Variants in AAAS observed in about 807,000 individuals in gnomAD.
The protein encoded by AAAS is aladin.
In AAAS, 60 loss-of-function variants were observed where a neutral mutation model predicts 75.6. The ratio of observed to expected loss-of-function variants is 0.79; its 90% CI spans 0.64 to 0.98. AAAS has a LOEUF of 0.98. Among genes scored for constraint, AAAS ranks in the 50% least tolerant of loss-of-function variants. The probability of loss-of-function intolerance (pLI) is 0.00; values close to 1 mark genes in which losing one functional copy is unlikely to be tolerated. For synonymous variants in AAAS, 271 were observed against 265.0 expected (o/e 1.02, Z -0.22); for missense variants, 658 against 686.9 (o/e 0.96, Z 0.47).
At chr12:53,321,242 CAG>C in intron 1 of AAAS, 99 bp downstream of exon 1, 1 of 1,544,074 alleles carries the variant, frequency 6.5e-7, no homozygotes, top group South Asian at 1.2e-5. Flanking sequence ...TCCACTCCGC[CAG>C]ACTCTGTGAC....
chr12:53,314,715 G>C, intron 6 of AAAS, 36 bp downstream of exon 6: 1 of 1,594,458 alleles, frequency 6.3e-7, no homozygotes. Context: ...AGGTGATATT[G>C]ACAAGTCAGA....
intron 15 of AAAS, 55 bp downstream of exon 15, chr12:53,307,790 G>A: frequency 2.5e-6 from 4 of 1,612,722 alleles, no homozygotes; most frequent in South Asian, 2.2e-5. Context: ...CAGCAGCCAA[G>A]GCCCTCAGCT....
chr12:53,319,273 C>T (rs1944514938), intron 2 of AAAS, among the ~76,000 whole-genome samples: 1 of 151,972 alleles, frequency 6.6e-6, no homozygotes, highest in African/African-American at 2.4e-5. Context: ...CTACAACCTC[C>T]ACCTCCCAGG....
intron 7 of AAAS, among the ~76,000 whole-genome samples, chr12:53,312,751 T>C (rs1315433922): frequency 1.3e-5 from 2 of 150,578 alleles, no homozygotes; most frequent in East Asian, 3.9e-4. Context: ...TCTTCTTTAT[T>C]CATATATATA....
At chr12:53,312,381 C>T (rs918785618) in intron 7 of AAAS, among the ~76,000 whole-genome samples, 1 of 152,066 alleles carries the variant, frequency 6.6e-6, no homozygotes, top group Non-Finnish European at 1.5e-5. Flanking sequence ...CAAGACCAGC[C>T]TGGCCAATAT....
At chr12:53,314,030 G>C (rs1944428865) in intron 7 of AAAS, among the ~76,000 whole-genome samples, 1 of 151,818 alleles carries the variant, frequency 6.6e-6, no homozygotes, top group Non-Finnish European at 1.5e-5. Context: ...CTTCCTTTAA[G>C]TGTAAAGGAA....
In AAAS at chr12:53,315,351, A is replaced by G; in HGVS notation, c.383T>C (p.Leu128Pro). The G allele has an allele frequency of 6.2e-7, 1 of 1,614,206 alleles. No individual in the cohort carries two copies. The highest frequency in any genetic ancestry group is 8.5e-7 in the Non-Finnish European group (1 of 1,180,038). The stretch of plus-strand genomic sequence containing the variant: ...CAAACTTACAGACAGATGGGGGAAC[A>G]GGGACCCATGGAGGGAAGAGGCCCA... ...CRWASSLHGS[L>P]FPHLSLRSED... The change falls in exon 4 of 16, where the codon CTG becomes CCG. Residue 128 changes from leucine to proline, a missense_variant. Leu to Pro is a moderately conservative substitution (Grantham distance 98, BLOSUM62 -3). Coordinates refer to ENST00000209873, the MANE Select transcript of AAAS (RefSeq NM_015665.6).
At position 53,314,367 on chromosome 12, in the gene AAAS, G is replaced by T; in HGVS notation, c.620C>A (p.Ser207Tyr). ...GCTCTGGCAGGCCACAGCCAAGACA[G>T]AGGCACTAAGGGGCTTCCAGGCCAG... ...ASLAWKPLSA[S>Y]VLAVACQSCI... Residue 207 changes from serine (S) to tyrosine (Y), a missense_variant, in exon 7 of 16, where the codon TCT (serine) becomes TAT (tyrosine). Ser to Tyr is a moderately radical substitution (Grantham distance 144). Transcript: ENST00000209873. 1 of 1,614,208 alleles carries T rather than the reference G, an allele frequency of 6.2e-7. No homozygotes were observed. Among genetic ancestry groups the T allele is most frequent in the South Asian group, 1.1e-5 (1 of 91,084 alleles).
chr12:53,308,069 C>A lies in AAAS; in HGVS notation c.1314G>T (p.Val438=). 6.2e-7 allele frequency: 1 copy of A among 1,614,246 alleles called. No individual in the cohort carries two copies. Among genetic ancestry groups the A allele is most frequent in the Non-Finnish European group, 8.5e-7 (1 of 1,180,042 alleles). The change falls in exon 14 of 16, where the codon GTG becomes GTT. Residue 438 remains valine (V), a synonymous_variant. Coordinates refer to ENST00000209873, the MANE Select transcript of AAAS (RefSeq NM_015665.6). The part of the protein sequence containing the change: ...ILLFRTRNSP[V]FELLPCGIIQ... ...GCACTTACCAGGGAAGGAGCTCAAA[C>A]ACAGGGCTGTTTCGAGTGCGAAAAA...
chr12:53,321,202 C>A (rs1944548398), intron 1 of AAAS, 141 bp downstream of exon 1: 2 of 1,342,840 alleles, frequency 1.5e-6, no homozygotes, highest in Non-Finnish European at 2.0e-6. Context: ...GATTCCAGCC[C>A]TTCTAGCCTC....
intron 7 of AAAS, among the ~76,000 whole-genome samples, chr12:53,312,763 G>A (rs1431289366): frequency 2.1e-5 from 3 of 144,684 alleles, no homozygotes; most frequent in Admixed American, 6.9e-5. Context: ...ATATATATAC[G>A]TATATACACG....
intron 2 of AAAS, among the ~76,000 whole-genome samples, chr12:53,316,764 C>CAAAAAAAAAAA (rs34520642): frequency 3.9e-5 from 3 of 77,186 alleles, no homozygotes; most frequent in Admixed American, 1.7e-4. Context: ...CCATCTCAGA[C>CAAAAAAAAAAA]AAAAAAAAAA....
intron 3 of AAAS, 146 bp from the exon 4 acceptor site, chr12:53,315,572 C>A: frequency 8.3e-7 from 1 of 1,205,116 alleles, no homozygotes; most frequent in South Asian, 1.3e-5. Flanking sequence ...GACACCCACT[C>A]TGGACACCCA....
chr12:53,321,553 A>T lies in AAAS; in HGVS notation c.-88T>A. Reference sequence around the variant, plus strand: ...TCCCGCAACTCGGTTCCCGGGCTAGATTCGTATGCGGACGGGTACCGCAAG... The same window carrying T: ...TCCCGCAACTCGGTTCCCGGGCTAGTTTCGTATGCGGACGGGTACCGCAAG... On this transcript the variant is annotated 5_prime_UTR_variant, in exon 1 of 16. Coordinates refer to ENST00000209873, the MANE Select transcript of AAAS (RefSeq NM_015665.6). 2 of 1,603,568 alleles carry T rather than the reference A, an allele frequency of 1.2e-6. No homozygotes were observed. The highest frequency in any genetic ancestry group is 1.7e-6 in the Non-Finnish European group (2 of 1,177,512).
intron 8 of AAAS, 129 bp from the exon 9 acceptor site, chr12:53,309,410 C>G (rs147642662): frequency 2.7e-6 from 4 of 1,509,032 alleles, no homozygotes; most frequent in East Asian, 4.6e-5. Flanking sequence ...ACATGAGGCA[C>G]GGGTTCATGC....
chr12:53,313,536 G>C (rs377737100), intron 7 of AAAS, among the ~76,000 whole-genome samples: 1 of 151,750 alleles, frequency 6.6e-6, no homozygotes, highest in South Asian at 2.1e-4. Context: ...CCTGACCTCA[G>C]GTGATCCTCA....
chr12:53,314,271 A>G, intron 7 of AAAS, 27 bp downstream of exon 7: 2 of 1,614,116 alleles, frequency 1.2e-6, no homozygotes, highest in Non-Finnish European at 8.5e-7. Flanking sequence ...CTCTCAGGCC[A>G]AGGTAAGGCA....
At chr12:53,321,269 A>C in intron 1 of AAAS, 74 bp downstream of exon 1, 2 of 1,581,112 alleles carry the variant, frequency 1.3e-6, no homozygotes, top group Non-Finnish European at 1.7e-6. Flanking sequence ...CCCCTGTCAC[A>C]CTGCCTCCTT....
At position 53,314,355 on chromosome 12, in the gene AAAS, A is replaced by G. The variant is rs147512475; in HGVS notation, c.632T>C (p.Val211Ala). 5.0e-6 allele frequency: 8 copies of G among 1,614,182 alleles called. No individual in the cohort carries two copies. The highest frequency in any genetic ancestry group is 6.8e-6 in the Non-Finnish European group (8 of 1,180,026). ...WKPLSASVLA[V>A]ACQSCILIWT... Reference sequence around the variant, plus strand: ...GATAAGAATGCAGCTCTGGCAGGCCACAGCCAAGACAGAGGCACTAAGGGG... The same window carrying G: ...GATAAGAATGCAGCTCTGGCAGGCCGCAGCCAAGACAGAGGCACTAAGGGG... The change falls in exon 7 of 16, where the codon GTG becomes GCG. Residue 211 changes from valine (V) to alanine (A), a missense_variant. Val to Ala is a moderately conservative substitution (Grantham distance 64). Transcript: ENST00000209873.
Sources: gnomAD v4.1 joint callset for allele counts (sites outside exome capture counted in the v4.1 genomes callset) on GRCh38, gnomAD v4.1.1 for gene constraint, MANE v1.5 for transcripts, NCBI Gene and HGNC (gene_info 2026-07-23, HGNC 2026-07-21) for gene names.